Variants in AGAP4 observed in about 807,000 individuals in gnomAD.
The protein encoded by AGAP4 is ArfGAP with GTPase domain, ankyrin repeat and PH domain 4.
Under a neutral mutation model 60.7 loss-of-function variants are expected in AGAP4, and 13 were observed. The observed-to-expected ratio is 0.21, with a 90% confidence interval of 0.14 to 0.34. The LOEUF is 0.34. AGAP4 is among the 10% of genes least tolerant of loss of function. The probability of loss-of-function intolerance (pLI) is 1.00; values close to 1 mark genes in which losing one functional copy is unlikely to be tolerated. For missense variants in AGAP4, 169 were observed against 884.0 expected (o/e 0.19, Z 10.26); for synonymous variants, 70 against 339.0 (o/e 0.21, Z 8.72).
At chr10:45,830,689 G>C (rs1316549373) in intron 6 of AGAP4, among the ~76,000 whole-genome samples, 3 of 128,450 alleles carry the variant, frequency 2.3e-5, no homozygotes, top group Non-Finnish European at 3.4e-5. Flanking sequence ...GCTTCGCTGT[G>C]TTAGCCAGGA....
intron 2 of AGAP4, among the ~76,000 whole-genome samples, chr10:45,846,198 G>T (rs1554899445): frequency 1.3e-5 from 2 of 151,744 alleles, no homozygotes; most frequent in African/African-American, 4.9e-5. Context: ...ACAGAAAAGA[G>T]CTTCATAGGT....
intron 6 of AGAP4, among the ~76,000 whole-genome samples, chr10:45,830,647 A>G (rs1554897001): frequency 7.9e-6 from 1 of 126,432 alleles, no homozygotes; most frequent in Non-Finnish European, 1.7e-5. Flanking sequence ...CATCATGCCC[A>G]GCCAAGTTTT....
At chr10:45,853,841 A>G (rs1209082148) in exon 1 of AGAP4, 1 of 1,271,080 alleles carries the variant, frequency 7.9e-7, no homozygotes. Flanking sequence ...AGATGGGTCT[A>G]TTCTCATTAC....
chr10:45,834,866 C>T (rs1294405406), intron 4 of AGAP4, among the ~76,000 whole-genome samples: 1 of 146,476 alleles, frequency 6.8e-6, no homozygotes, highest in African/African-American at 2.7e-5. Context: ...CTCCGCCTCC[C>T]GGGTTCACGC....
At chr10:45,835,062 G>A (rs1221742645) in intron 4 of AGAP4, among the ~76,000 whole-genome samples, 2 of 145,494 alleles carry the variant, frequency 1.4e-5, no homozygotes, top group Non-Finnish European at 3.0e-5. Flanking sequence ...CGTGAGCCAC[G>A]GCGCCCAGCC....
At chr10:45,854,095 T>G (rs2573430), upstream of AGAP4, 1 of 302,454 alleles carries the variant, frequency 3.3e-6, no homozygotes, top group African/African-American at 2.2e-5. Flanking sequence ...CAGGTAACTC[T>G]ATTTATTCTG....
Position 45,828,427 on chromosome 10 carries a change from T to C in AGAP4, c.534-347A>G, listed in dbSNP as rs1255679755. Among the ~76,000 whole-genome samples the C allele has an allele frequency of 2.1e-4, 31 of 149,972 alleles. 1 individual carries two copies. The highest frequency in any genetic ancestry group is 6.3e-4 in the African/African-American group (26 of 41,190). On this transcript the variant is annotated intron_variant, in intron 6 of 7. Coordinates refer to ENST00000616763, the MANE Select transcript of AGAP4 (RefSeq NM_001276343.3). ...AGCAGTTGTAGTAAACTTTAATAAA[T>C]GTAAATGTGATTCAGATTTCCTAGC...
At chr10:45,829,360 G>A (rs1257625848) in intron 6 of AGAP4, among the ~76,000 whole-genome samples, 20 of 142,232 alleles carry the variant, frequency 1.4e-4, no homozygotes, top group Non-Finnish European at 2.3e-4. Flanking sequence ...TAAAGAATCC[G>A]TGATTTAACT....
upstream of AGAP4, among the ~76,000 whole-genome samples, chr10:45,851,514 G>A (rs1367312609): frequency 1.3e-5 from 2 of 151,968 alleles, no homozygotes; most frequent in Non-Finnish European, 2.9e-5. Flanking sequence ...CGAGCTGGAT[G>A]TCAGGCAGTG....
At chr10:45,847,949 T>G (rs1419750781), upstream of AGAP4, 17 of 1,040,030 alleles carry the variant, frequency 1.6e-5, no homozygotes, top group Non-Finnish European at 1.9e-5. Context: ...TCCTGAGATT[T>G]TAGTCCTAAG....
At chr10:45,850,670 G>C (rs1372082482), upstream of AGAP4, among the ~76,000 whole-genome samples, 1 of 152,374 alleles carries the variant, frequency 6.6e-6, no homozygotes, top group Non-Finnish European at 1.5e-5. Context: ...TTGGGAGACA[G>C]AATAGGAAGT....
upstream of AGAP4, chr10:45,848,034 C>T (rs2135969960): frequency 1.1e-6 from 1 of 950,668 alleles, no homozygotes; most frequent in East Asian, 1.2e-4. Flanking sequence ...TAGAGTGGGT[C>T]CAATTAGCAA....
chr10:45,843,562 G>A (rs1355642238), intron 3 of AGAP4, among the ~76,000 whole-genome samples: 3 of 128,982 alleles, frequency 2.3e-5, no homozygotes, highest in African/African-American at 9.0e-5. Flanking sequence ...AGAAATAACT[G>A]ACTCAAGATG....
chr10:45,846,643 G>C, intron 2 of AGAP4, 44 bp downstream of exon 2: 1 of 656,948 alleles, frequency 1.5e-6, no homozygotes, highest in Non-Finnish European at 2.5e-6. Flanking sequence ...CCTAAACAAA[G>C]TCCCACAGGA....
At chr10:45,852,232 A>AC (rs1432181668), upstream of AGAP4, among the ~76,000 whole-genome samples, 7 of 143,658 alleles carry the variant, frequency 4.9e-5, no homozygotes, top group Admixed American at 1.4e-4. Context: ...AAAAAAAAAA[A>AC]AAAAAAAAAA....
upstream of AGAP4, among the ~76,000 whole-genome samples, chr10:45,848,564 G>A (rs879073747): frequency 1.1e-4 from 16 of 151,736 alleles, no homozygotes; most frequent in African/African-American, 1.7e-4. Context: ...TACAGATTTT[G>A]CAGAAGTTGT....
chr10:45,846,954 T>G (rs61857382), intron 1 of AGAP4, among the ~76,000 whole-genome samples, 171 bp downstream of exon 1: 2,197 of 123,802 alleles, frequency 0.018, 13 homozygotes, highest in African/African-American at 0.028. Flanking sequence ...GGTGGGGAAA[T>G]ACTAAGGGGT....
chr10:45,839,196 T>C (rs2058877508), intron 4 of AGAP4, among the ~76,000 whole-genome samples: 2 of 88,278 alleles, frequency 2.3e-5, no homozygotes, highest in Non-Finnish European at 4.7e-5. Context: ...AAAGGAGTGG[T>C]AAATAACACA....
chr10:45,849,131 C>G (rs1478745820), upstream of AGAP4, among the ~76,000 whole-genome samples: 5 of 135,042 alleles, frequency 3.7e-5, no homozygotes, highest in Admixed American at 2.2e-4. Flanking sequence ...GAGGCTGAGG[C>G]AGGAGAATCA....
Sources: allele counts gnomAD v4.1 joint callset (sites outside exome capture counted in the v4.1 genomes callset), GRCh38; gene constraint gnomAD v4.1.1; transcripts MANE v1.5; gene names NCBI Gene and HGNC (gene_info 2026-07-23, HGNC 2026-07-21).